The following LRRC4C variants were observed in gnomAD, a reference collection of about 807,000 sequenced individuals.
LRRC4C encodes the protein leucine rich repeat containing 4C.
A neutral mutation model predicts 33.6 loss-of-function variants in LRRC4C; 5 were observed. The observed-to-expected ratio is 0.15, with a 90% CI of 0.08 to 0.31. The LOEUF (loss-of-function observed/expected upper bound fraction) is 0.31, where lower values mean the gene tolerates loss of function less well. Ranked by LOEUF, LRRC4C falls within the 10% of genes least tolerant of loss-of-function variation. The pLI is 1.00. For missense variants in LRRC4C, 560 were observed against 796.7 expected (o/e 0.70, Z 3.58); for synonymous variants, 329 against 302.0 (o/e 1.09, Z -0.93).
intron 3 of LRRC4C, among the ~76,000 whole-genome samples, chr11:40,401,151 G>C (rs930495245): frequency 2.0e-5 from 3 of 148,362 alleles, no homozygotes; most frequent in African/African-American, 7.4e-5. Context: ...TGGTGAGCAG[G>C]AATAGGCTTA....
chr11:40,516,244 A>T (rs1345450919), intron 3 of LRRC4C, among the ~76,000 whole-genome samples: 1 of 152,126 alleles, frequency 6.6e-6, no homozygotes, highest in Non-Finnish European at 1.5e-5. Flanking sequence ...TAAGGTAAAA[A>T]TAATAAATTT....
At position 41,084,312 on chromosome 11, in the gene LRRC4C, A is replaced by G. The variant is rs142020532; in HGVS notation, c.-495-150589T>C. Among the ~76,000 whole-genome samples, 761 of 152,264 alleles carry G rather than the reference A, an allele frequency of 5.0e-3. 7 individuals are homozygous for G. Among genetic ancestry groups the G allele is most frequent in the African/African-American group, 0.017 (691 of 41,552 alleles). On this transcript the variant is annotated intron_variant, in intron 1 of 6. Transcript: ENST00000528697. ...GTACTAGCTTTGTGATCTTGGGCAA[A>G]TTACTTAATCTCTCTGAGCTTCTGT...
chr11:41,110,999 T>C (rs1261339488), intron 1 of LRRC4C, among the ~76,000 whole-genome samples: 1 of 152,100 alleles, frequency 6.6e-6, no homozygotes, highest in African/African-American at 2.4e-5. Context: ...TAGGAAGTTC[T>C]CAGAGATGCA....
intron 3 of LRRC4C, among the ~76,000 whole-genome samples, chr11:40,328,107 T>C (rs1198906689): frequency 1.3e-5 from 2 of 152,164 alleles, no homozygotes; most frequent in East Asian, 1.9e-4. Flanking sequence ...TTGGTTTGCA[T>C]AGTAAGAACT....
At chr11:41,372,802 A>C (rs76070664) in intron 1 of LRRC4C, among the ~76,000 whole-genome samples, 5 of 148,660 alleles carry the variant, frequency 3.4e-5, no homozygotes, top group African/African-American at 1.2e-4. Context: ...AAAAAAAAAA[A>C]AGAGTAACAG....
chr11:41,207,261 A>G (rs1446584849), intron 1 of LRRC4C, among the ~76,000 whole-genome samples: 11 of 152,124 alleles, frequency 7.2e-5, no homozygotes. Flanking sequence ...TCTGATTTCC[A>G]TGTTCTGGGG....
intron 1 of LRRC4C, among the ~76,000 whole-genome samples, chr11:41,112,774 A>G (rs1941909556): frequency 6.6e-6 from 1 of 152,080 alleles, no homozygotes; most frequent in Admixed American, 6.6e-5. Flanking sequence ...AATCTGAGTA[A>G]AAAGAGAGTC....
chr11:41,055,149 C>T (rs1313585460), intron 1 of LRRC4C, among the ~76,000 whole-genome samples: 2 of 152,134 alleles, frequency 1.3e-5, no homozygotes, highest in Non-Finnish European at 2.9e-5. Flanking sequence ...TATAATACCA[C>T]AAATTAATTT....
intron 2 of LRRC4C, among the ~76,000 whole-genome samples, chr11:40,840,272 T>C (rs1016749501): frequency 2.0e-5 from 3 of 152,192 alleles, no homozygotes; most frequent in African/African-American, 7.2e-5. Context: ...CACAGTGATA[T>C]TGTGTTTCCA....
intron 2 of LRRC4C, among the ~76,000 whole-genome samples, chr11:40,797,461 G>T (rs1431922903): frequency 2.0e-5 from 3 of 152,170 alleles, no homozygotes. Flanking sequence ...AACCATTAAA[G>T]AAGTAAATAC....
intron 1 of LRRC4C, among the ~76,000 whole-genome samples, chr11:40,999,990 G>A (rs544228959): frequency 2.0e-5 from 3 of 152,074 alleles, no homozygotes; most frequent in Non-Finnish European, 2.9e-5. Flanking sequence ...AAGCAGCATA[G>A]AATGGCTGGA....
intron 1 of LRRC4C, among the ~76,000 whole-genome samples, chr11:41,431,978 T>G (rs1394034218): frequency 6.6e-6 from 1 of 151,914 alleles, no homozygotes; most frequent in Non-Finnish European, 1.5e-5. Context: ...ACTGCAAAAA[T>G]GGATTCATTT....
At chr11:40,505,737 T>TAAG (rs1220467998) in intron 3 of LRRC4C, among the ~76,000 whole-genome samples, 1 of 152,066 alleles carries the variant, frequency 6.6e-6, no homozygotes, top group Non-Finnish European at 1.5e-5. Context: ...AGGTTTGGAG[T>TAAG]AAGAAAGTAG....
chr11:40,586,717 T>C (rs1268631269), intron 3 of LRRC4C, among the ~76,000 whole-genome samples: 1 of 150,514 alleles, frequency 6.6e-6, no homozygotes, highest in African/African-American at 2.4e-5. Flanking sequence ...CCCAGCACCA[T>C]TTATTAAATA....
chr11:40,346,796 T>G (rs1175078267), intron 3 of LRRC4C, among the ~76,000 whole-genome samples: 1 of 152,204 alleles, frequency 6.6e-6, no homozygotes, highest in African/African-American at 2.4e-5. Context: ...AGGAGTAGTA[T>G]TTTATAAAAA....
chr11:40,295,585 G>A (rs780269861), intron 4 of LRRC4C, among the ~76,000 whole-genome samples: 1 of 151,956 alleles, frequency 6.6e-6, no homozygotes, highest in African/African-American at 2.4e-5. Context: ...TATACTCCAC[G>A]GTATTTCCTT....
chr11:40,892,134 C>CAA (rs58855313), intron 2 of LRRC4C, among the ~76,000 whole-genome samples: 19,479 of 113,524 alleles, frequency 0.17, 1,969 homozygotes, highest in African/African-American at 0.25. Context: ...GATTGTGTCT[C>CAA]AAAAAAAAAA....
chr11:40,175,951 T>C (rs1024248246), intron 5 of LRRC4C, among the ~76,000 whole-genome samples: 1 of 152,198 alleles, frequency 6.6e-6, no homozygotes, highest in African/African-American at 2.4e-5. Context: ...TGGAGCTATA[T>C]AGAGGCTGAG....
chr11:41,423,962 C>A (rs1055847046), intron 1 of LRRC4C: 3 of 152,020 alleles, frequency 2.0e-5, no homozygotes, highest in African/African-American at 7.3e-5. Flanking sequence ...TGTGAGGCCT[C>A]CCCAGCCACC....
Sources: gnomAD v4.1 joint callset for allele counts (sites outside exome capture counted in the v4.1 genomes callset) on GRCh38, gnomAD v4.1.1 for gene constraint, MANE v1.5 for transcripts, NCBI Gene and HGNC (gene_info 2026-07-23, HGNC 2026-07-21) for gene names.